The following MDFIC variants were observed in gnomAD, a reference collection of about 807,000 sequenced individuals.
MDFIC encodes myoD family inhibitor domain-containing protein.
A neutral mutation model predicts 23.2 loss-of-function variants in MDFIC; 17 were observed. That is an observed-to-expected ratio of 0.73 (90% CI 0.50 to 1.10). MDFIC has a LOEUF of 1.10. MDFIC is among the 50% of genes least tolerant of loss of function. The pLI, the probability that MDFIC is intolerant of heterozygous loss-of-function variation, is 0.00. For missense variants in MDFIC, 356 were observed against 316.6 expected, an observed-to-expected ratio of 1.12 and a Z score of -0.95; for synonymous variants, 120 against 115.2, an observed-to-expected ratio of 1.04 and a Z score of -0.27.
rs1429838419 is a variant in MDFIC, at chr7:114,922,609, C to A, written c.-135C>A. 7.8e-7 allele frequency: 1 copy of A among 1,282,252 alleles called. No homozygotes were observed. The highest frequency in any genetic ancestry group is 9.9e-7 in the Non-Finnish European group (1 of 1,007,962). The allele number at this position is 1,282,252 out of a possible 1,614,324, so 79.4% of individuals were successfully genotyped here. On this transcript the variant is annotated 5_prime_UTR_variant, in exon 1 of 5. Transcript: ENST00000393486. The stretch of plus-strand genomic sequence containing the variant: ...GAGGAGGAGGAGGAGGAGGAAGGGG[C>A]TTGGAGCGACTACGGGGGGATGCGG...
chr7:114,935,252 A>C lies in MDFIC; in HGVS notation c.95-7023A>C, dbSNP rs560756433. ...AGGGAGGTATGAATACAAATTGCTT[A>C]TCACCAATAACAATATACATAATAT... is the stretch of plus-strand genomic sequence containing the variant. On this transcript the variant is annotated intron_variant, in intron 2 of 4. Transcript: ENST00000393486. Among the ~76,000 whole-genome samples, 9 of 152,242 alleles carry C rather than the reference A, an allele frequency of 5.9e-5. No homozygotes were observed. The East Asian group carries it at 1.7e-3, about 29-fold the overall frequency.
intron 4 of MDFIC, among the ~76,000 whole-genome samples, chr7:115,000,102 A>G (rs1791430940): frequency 6.6e-6 from 1 of 152,202 alleles, no homozygotes; most frequent in Non-Finnish European, 1.5e-5. Flanking sequence ...CATAACATTT[A>G]ATTCAACTAT....
chr7:114,990,288 A>G (rs1461369528), intron 4 of MDFIC, among the ~76,000 whole-genome samples: 5 of 151,990 alleles, frequency 3.3e-5, no homozygotes, highest in African/African-American at 1.2e-4. Context: ...ATCTGACAAG[A>G]GTTATTTCCA....
chr7:115,018,056 C>T lies in MDFIC; in HGVS notation c.*2121C>T, dbSNP rs576836062. The stretch of plus-strand genomic sequence containing the variant: ...CTATTTACACATACATACACACATA[C>T]AAAACCTTTAAATTTTGGGATCTGA... On this transcript the variant is annotated 3_prime_UTR_variant, in exon 5 of 5. Coordinates refer to ENST00000393486, the MANE Select transcript of MDFIC (RefSeq NM_001166345.3). The T allele has an allele frequency of 6.6e-6, 1 of 151,966 alleles. No homozygotes were observed. Among genetic ancestry groups the T allele is most frequent in the East Asian group, 1.9e-4 (1 of 5,202 alleles). 9.4% of individuals were successfully genotyped at this position (151,966 alleles called of 1,614,324 possible).
intron 2 of MDFIC, among the ~76,000 whole-genome samples, chr7:114,937,300 A>G (rs1792444620): frequency 6.6e-6 from 1 of 152,198 alleles, no homozygotes; most frequent in African/African-American, 2.4e-5. Context: ...AGTAGGACAT[A>G]TTGTATTTAA....
At chr7:114,939,053 C>T (rs1341907647) in intron 2 of MDFIC, among the ~76,000 whole-genome samples, 3 of 152,120 alleles carry the variant, frequency 2.0e-5, no homozygotes, top group East Asian at 1.9e-4. Flanking sequence ...TCAATAAATC[C>T]TGCTCCCTCT....
intron 4 of MDFIC, among the ~76,000 whole-genome samples, chr7:114,988,665 A>G (rs891641603): frequency 2.0e-5 from 3 of 152,140 alleles, no homozygotes; most frequent in Non-Finnish European, 4.4e-5. Context: ...AAATTAGGAA[A>G]TTAGGAGGAA....
intron 2 of MDFIC, among the ~76,000 whole-genome samples, chr7:114,934,601 A>G (rs189841136): frequency 2.0e-5 from 3 of 152,324 alleles, no homozygotes; most frequent in Admixed American, 2.0e-4. Flanking sequence ...AAGCTTCTAA[A>G]TACATAAGAA....
At chr7:114,938,581 A>G (rs566869376) in intron 2 of MDFIC, among the ~76,000 whole-genome samples, 1 of 152,268 alleles carries the variant, frequency 6.6e-6, no homozygotes, top group African/African-American at 2.4e-5. Flanking sequence ...CAAGAGCTGC[A>G]CAGCGGTTCT....
Position 114,935,683 on chromosome 7 carries a change from A to T in MDFIC, c.95-6592A>T, listed in dbSNP as rs1204664292. ...AACCCAAGTCCGGGGAAATCAGAAT[A>T]TATAGGTATAGGCTGTGGGGTCAAA... On this transcript the variant is annotated intron_variant, in intron 2 of 4. Coordinates refer to ENST00000393486, the MANE Select transcript of MDFIC (RefSeq NM_001166345.3). Among the ~76,000 whole-genome samples the T allele has an allele frequency of 3.3e-5, 5 of 152,096 alleles. 1 individual carries two copies. The highest frequency in any genetic ancestry group is 1.5e-5 in the Non-Finnish European group (1 of 67,968).
rs567789029 is a variant in MDFIC at position 115,005,078 on chromosome 7, T to C, written c.494-10610T>C. Among the ~76,000 whole-genome samples, 14 of 152,378 alleles carry C rather than the reference T, an allele frequency of 9.2e-5. No homozygotes were observed. In the South Asian group the frequency reaches 2.9e-3, roughly 32 times the overall value. ...CCAAGAAAATACCCTGTGCTAGATT[T>C]AACTATCTATTAGTTATAGAAAATA... is the stretch of plus-strand genomic sequence containing the variant. On this transcript the variant is annotated intron_variant, in intron 4 of 4. Transcript: ENST00000393486.
intron 4 of MDFIC, among the ~76,000 whole-genome samples, chr7:114,997,116 G>T (rs111256253): frequency 6.6e-6 from 1 of 152,126 alleles, no homozygotes; most frequent in Non-Finnish European, 1.5e-5. Context: ...TGTTGTGATC[G>T]GGCTAGAGTG....
chr7:114,959,260 G>A (rs1792942207), intron 3 of MDFIC, among the ~76,000 whole-genome samples: 1 of 152,256 alleles, frequency 6.6e-6, no homozygotes, highest in African/African-American at 2.4e-5. Flanking sequence ...ACAGATTTTA[G>A]TGTCCATTTT....
chr7:114,994,490 G>A (rs1791276469), intron 4 of MDFIC, among the ~76,000 whole-genome samples: 1 of 152,168 alleles, frequency 6.6e-6, no homozygotes, highest in Non-Finnish European at 1.5e-5. Flanking sequence ...GCTGGTACCA[G>A]TTGTTCCTTT....
chr7:114,983,151 G>T (rs1240029956), intron 4 of MDFIC, among the ~76,000 whole-genome samples: 1 of 152,122 alleles, frequency 6.6e-6, no homozygotes, highest in Non-Finnish European at 1.5e-5. Flanking sequence ...TTCTATGCCT[G>T]TTCTTCCAAA....
intron 3 of MDFIC, among the ~76,000 whole-genome samples, chr7:114,967,830 C>CTTTTTTTTTTTTTTTT (rs56343596): frequency 2.0e-4 from 24 of 118,718 alleles, no homozygotes; most frequent in South Asian, 2.5e-4. Context: ...TCTTTCTTTT[C>CTTTTTTTTTTTTTTTT]TTTTTTTTTT....
At chr7:114,976,036 G>A (rs537859851) in intron 3 of MDFIC, among the ~76,000 whole-genome samples, 7 of 152,126 alleles carry the variant, frequency 4.6e-5, no homozygotes, top group African/African-American at 9.6e-5. Flanking sequence ...TTAAGGATGC[G>A]TGAGAATATC....
In MDFIC at chr7:115,002,940, C is replaced by A. The variant is rs532897090; in HGVS notation, c.494-12748C>A. Among the ~76,000 whole-genome samples, 12 of 152,256 alleles carry A rather than the reference C, an allele frequency of 7.9e-5. No homozygotes were observed. The South Asian group carries it at 2.5e-3, about 32-fold the overall frequency. On this transcript the variant is annotated intron_variant, in intron 4 of 4. Transcript: ENST00000393486. ...TCATGGACTTTGCATCCTCAGTTTTCTCCTTCTGTTTACAAATAGATGTCT... is the reference window on the plus strand; with the variant it reads ...TCATGGACTTTGCATCCTCAGTTTTATCCTTCTGTTTACAAATAGATGTCT...
chr7:114,926,545 G>T (rs1052071074), intron 2 of MDFIC, among the ~76,000 whole-genome samples: 6 of 152,112 alleles, frequency 3.9e-5, no homozygotes, highest in Non-Finnish European at 8.8e-5. Flanking sequence ...GACGTAGATC[G>T]TTGGACTCTG....
Sources: gnomAD v4.1 joint callset for allele counts (sites outside exome capture counted in the v4.1 genomes callset) on GRCh38, gnomAD v4.1.1 for gene constraint, MANE v1.5 for transcripts, NCBI Gene and HGNC (gene_info 2026-07-23, HGNC 2026-07-21) for gene names.